Variants in CACNA1A observed in about 807,000 individuals in gnomAD.
CACNA1A encodes voltage-dependent P/Q-type calcium channel subunit alpha-1A.
A neutral mutation model predicts 262.4 loss-of-function variants in CACNA1A; 57 were observed. The observed-to-expected ratio is 0.22, with a 90% CI of 0.18 to 0.27. CACNA1A has a LOEUF of 0.27. CACNA1A is among the 10% of genes least tolerant of loss of function. CACNA1A has a pLI of 1.00. For synonymous variants in CACNA1A, 1,431 were observed against 1,419.3 expected (o/e 1.01, Z -0.18); for missense variants, 2,526 against 3,562.8 (o/e 0.71, Z 7.41).
At position 13,231,725 on chromosome 19, in the gene CACNA1A, G is replaced by A. The variant is rs1430113419; in HGVS notation, c.5385C>T (p.Phe1795=). The A allele has an allele frequency of 1.2e-6, 2 of 1,611,752 alleles. No homozygotes were observed. The highest frequency in any genetic ancestry group is 1.3e-5 in the African/African-American group (1 of 74,884). The change falls in exon 35 of 47, where the codon TTC becomes TTT. Residue 1795 remains phenylalanine, a synonymous_variant. Transcript: ENST00000360228. The stretch of plus-strand genomic sequence containing the variant: ...ACAGACTCACCAGAAACGAGCAGAG[G>A]AAGATGAAGGAAACAAAGTAAAAAT... ...FAYFYFVSFI[F]LCSFLMLNLF...
chr19:13,473,860 C>T (rs893233125), intron 1 of CACNA1A, among the ~76,000 whole-genome samples: 1 of 152,054 alleles, frequency 6.6e-6, no homozygotes, highest in Non-Finnish European at 1.5e-5. Context: ...TCCACCTTCA[C>T]TTCTAACTCT....
At chr19:13,210,836 GTGGGTGTCCCAGGCCCCCGGGGC>G (rs1230722860) in intron 43 of CACNA1A, 184 bp from the exon 44 acceptor site, 1 of 677,264 alleles carries the variant, frequency 1.5e-6, no homozygotes, top group East Asian at 2.7e-5. Context: ...GTCCTGGCGG[GTGGGTGTCCCAGGCCCCCGGGGC>G]TGGGCGTCCT....
chr19:13,443,627 G>A (rs2144889861), intron 3 of CACNA1A, among the ~76,000 whole-genome samples: 1 of 152,256 alleles, frequency 6.6e-6, no homozygotes, highest in African/African-American at 2.4e-5. Context: ...GATTATAGGT[G>A]GGTGCCTATG....
chr19:13,395,077 C>T (rs963327402), intron 3 of CACNA1A, among the ~76,000 whole-genome samples: 1 of 151,060 alleles, frequency 6.6e-6, no homozygotes, highest in Admixed American at 6.6e-5. Flanking sequence ...AGTTTAAGAC[C>T]AGCCTGGCCA....
intron 24 of CACNA1A, among the ~76,000 whole-genome samples, chr19:13,264,794 C>G (rs1414578056): frequency 6.6e-6 from 1 of 152,022 alleles, no homozygotes. Context: ...TTGTTTGTTT[C>G]TTCGGTCTCT....
chr19:13,275,458 AT>A, intron 24 of CACNA1A: 1 of 232,036 alleles, frequency 4.3e-6, no homozygotes, highest in African/African-American at 2.2e-5. Context: ...CAGAATTCTC[AT>A]GCACATTCGT....
chr19:13,312,034 T>C (rs1026599460), intron 12 of CACNA1A, among the ~76,000 whole-genome samples: 2 of 152,138 alleles, frequency 1.3e-5, no homozygotes, highest in African/African-American at 4.8e-5. Context: ...TGAGATTTTC[T>C]AGGATGAATT....
intron 3 of CACNA1A, among the ~76,000 whole-genome samples, chr19:13,446,442 CTTT>C (rs547034790): frequency 3.3e-5 from 4 of 122,526 alleles, no homozygotes; most frequent in Admixed American, 8.8e-5. Flanking sequence ...TTTTTTCTTT[CTTT>C]TTTTTTTTTT....
chr19:13,457,814 T>C (rs887881117), intron 1 of CACNA1A, among the ~76,000 whole-genome samples: 7 of 149,290 alleles, frequency 4.7e-5, no homozygotes, highest in South Asian at 2.1e-4. Context: ...GATTGTGCCA[T>C]TGCACTCCAG....
intron 1 of CACNA1A, among the ~76,000 whole-genome samples, chr19:13,460,628 T>C (rs988861399): frequency 3.3e-5 from 5 of 151,768 alleles, no homozygotes; most frequent in African/African-American, 1.2e-4. Flanking sequence ...CCTGCTCCCA[T>C]TACCTCCCTC....
intron 10 of CACNA1A, among the ~76,000 whole-genome samples, chr19:13,321,815 G>T (rs541435192): frequency 1.3e-5 from 2 of 152,174 alleles, no homozygotes; most frequent in East Asian, 3.9e-4. Flanking sequence ...GAGTGAATGT[G>T]AAGGCCTAGG....
chr19:13,428,252 TAGA>T (rs528952075), intron 3 of CACNA1A, among the ~76,000 whole-genome samples: 2 of 152,200 alleles, frequency 1.3e-5, no homozygotes, highest in Non-Finnish European at 2.9e-5. Flanking sequence ...ATAGGCTCTT[TAGA>T]AGATTAAATG....
chr19:13,427,289 T>C (rs1018892894), intron 3 of CACNA1A, among the ~76,000 whole-genome samples: 1 of 151,508 alleles, frequency 6.6e-6, no homozygotes, highest in South Asian at 2.1e-4. Flanking sequence ...CCGTCTCTAC[T>C]AAAAAAAATT....
intron 19 of CACNA1A, among the ~76,000 whole-genome samples, chr19:13,294,169 A>C (rs1275272489): frequency 6.7e-6 from 1 of 150,364 alleles, no homozygotes; most frequent in Non-Finnish European, 1.5e-5. Context: ...ATGCTACTGC[A>C]ATCCAACCTG....
At chr19:13,406,511 A>G (rs1297862404) in intron 3 of CACNA1A, among the ~76,000 whole-genome samples, 8 of 108,588 alleles carry the variant, frequency 7.4e-5, no homozygotes, top group East Asian at 2.8e-4. Flanking sequence ...ATATATATAT[A>G]TGAAGGGAAT....
intron 3 of CACNA1A, among the ~76,000 whole-genome samples, chr19:13,375,301 C>T (rs2144575751): frequency 6.6e-6 from 1 of 152,214 alleles, no homozygotes; most frequent in East Asian, 1.9e-4. Flanking sequence ...GACTGCTCTA[C>T]CAACTGGCCA....
At chr19:13,467,174 G>T (rs535328371) in intron 1 of CACNA1A, among the ~76,000 whole-genome samples, 22 of 152,128 alleles carry the variant, frequency 1.4e-4, no homozygotes, top group African/African-American at 5.3e-4. Context: ...AGACAAACAC[G>T]AAATTGCTAG....
intron 1 of CACNA1A, among the ~76,000 whole-genome samples, chr19:13,488,306 C>G (rs1980276798): frequency 6.6e-6 from 1 of 151,948 alleles, no homozygotes; most frequent in South Asian, 2.1e-4. Flanking sequence ...TCAAACATTC[C>G]CCACTCCAGG....
intron 1 of CACNA1A, among the ~76,000 whole-genome samples, chr19:13,485,852 T>C (rs759511750): frequency 6.6e-6 from 1 of 152,180 alleles, no homozygotes; most frequent in Non-Finnish European, 1.5e-5. Context: ...TATCCAACAA[T>C]TTCACACAGA....
Sources: allele counts gnomAD v4.1 joint callset (sites outside exome capture counted in the v4.1 genomes callset), GRCh38; gene constraint gnomAD v4.1.1; transcripts MANE v1.5; gene names NCBI Gene and HGNC (gene_info 2026-07-23, HGNC 2026-07-21).